Variants in LRRTM4 observed in about 807,000 individuals in gnomAD.
LRRTM4 encodes leucine-rich repeat transmembrane neuronal protein 4.
In LRRTM4, 25 loss-of-function variants were observed where a neutral mutation model predicts 47.6. The observed-to-expected ratio is 0.53, with a 90% CI of 0.38 to 0.73. The LOEUF (loss-of-function observed/expected upper bound fraction) is 0.73, where lower values mean the gene tolerates loss of function less well. Among genes scored for constraint, LRRTM4 ranks in the 30% least tolerant of loss-of-function variants. The pLI, the probability that LRRTM4 is intolerant of heterozygous loss-of-function variation, is 0.00. For synonymous variants in LRRTM4, 311 were observed against 269.5 expected (o/e 1.15, Z -1.51); for missense variants, 638 against 713.4 (o/e 0.89, Z 1.20).
At chr2:77,208,765 C>T (rs1236333473) in intron 3 of LRRTM4, among the ~76,000 whole-genome samples, 2 of 151,954 alleles carry the variant, frequency 1.3e-5, no homozygotes, top group Non-Finnish European at 2.9e-5. Flanking sequence ...GTTGATAGTT[C>T]ATTACAAAAT....
intron 3 of LRRTM4, among the ~76,000 whole-genome samples, chr2:77,402,114 T>C (rs1045014704): frequency 6.6e-6 from 1 of 152,000 alleles, no homozygotes; most frequent in Non-Finnish European, 1.5e-5. Context: ...AAATCATCTG[T>C]TGATCAGGAA....
chr2:77,175,976 T>C (rs1188579816), intron 3 of LRRTM4, among the ~76,000 whole-genome samples: 1 of 151,940 alleles, frequency 6.6e-6, no homozygotes, highest in East Asian at 1.9e-4. Context: ...CTTTTTTTTT[T>C]TTTTTTAATT....
intron 3 of LRRTM4, among the ~76,000 whole-genome samples, chr2:77,500,564 T>G (rs1324969967): frequency 6.6e-6 from 1 of 151,612 alleles, no homozygotes; most frequent in Non-Finnish European, 1.5e-5. Flanking sequence ...TAAAAATAAA[T>G]TTTCTCCTGT....
At chr2:77,272,558 A>C (rs2104074570) in intron 3 of LRRTM4, among the ~76,000 whole-genome samples, 1 of 152,206 alleles carries the variant, frequency 6.6e-6, no homozygotes, top group Admixed American at 6.5e-5. Context: ...ATTAAGTTTT[A>C]TTTTCAAGAT....
chr2:76,785,164 G>A (rs1173407930), intron 3 of LRRTM4, among the ~76,000 whole-genome samples: 1 of 152,054 alleles, frequency 6.6e-6, no homozygotes. Flanking sequence ...TGCTGCTATT[G>A]TGTTTGTATT....
At chr2:76,875,949 A>G (rs999836981) in intron 3 of LRRTM4, among the ~76,000 whole-genome samples, 4 of 152,140 alleles carry the variant, frequency 2.6e-5, no homozygotes, top group Non-Finnish European at 5.9e-5. Context: ...ACCTACTGAG[A>G]GAGAGCATTT....
chr2:77,096,137 AT>A (rs1670805668), intron 3 of LRRTM4, among the ~76,000 whole-genome samples: 1 of 151,968 alleles, frequency 6.6e-6, no homozygotes, highest in South Asian at 2.1e-4. Context: ...TACCCCATAA[AT>A]ATAATCATTT....
chr2:76,951,354 AG>A (rs1357954512), intron 3 of LRRTM4, among the ~76,000 whole-genome samples: 1 of 152,006 alleles, frequency 6.6e-6, no homozygotes, highest in Non-Finnish European at 1.5e-5. Flanking sequence ...ACTTTTTTCT[AG>A]GTATCGGAGT....
intron 3 of LRRTM4, among the ~76,000 whole-genome samples, chr2:76,873,805 A>G (rs1672705964): frequency 6.6e-6 from 1 of 151,706 alleles, no homozygotes; most frequent in Non-Finnish European, 1.5e-5. Context: ...TGATATCTCA[A>G]TCCTGATGCT....
intron 3 of LRRTM4, among the ~76,000 whole-genome samples, chr2:77,050,073 A>T (rs1177434826): frequency 6.6e-6 from 1 of 152,024 alleles, no homozygotes; most frequent in Non-Finnish European, 1.5e-5. Flanking sequence ...AGCAGAGGTC[A>T]GAAAGAGTAC....
chr2:77,272,361 G>A (rs1676223533), intron 3 of LRRTM4, among the ~76,000 whole-genome samples: 1 of 152,076 alleles, frequency 6.6e-6, no homozygotes. Context: ...GCAATATAAT[G>A]AACATAGTAA....
chr2:76,941,081 G>A (rs1675126434), intron 3 of LRRTM4, among the ~76,000 whole-genome samples: 1 of 151,970 alleles, frequency 6.6e-6, no homozygotes, highest in Non-Finnish European at 1.5e-5. Context: ...ATATGAGAAG[G>A]CAATGAAAAT....
Position 77,172,979 on chromosome 2 carries a change from A to G in LRRTM4, c.1551+345339T>C, listed in dbSNP as rs1012745986. On this transcript the variant is annotated intron_variant, in intron 3 of 3. Transcript: ENST00000409884. ...TGTTCAGATAAAAAGGACAACAAACATGGGATTCCCCTGTAGATATTCTCA... is the reference window on the plus strand; with the variant it reads ...TGTTCAGATAAAAAGGACAACAAACGTGGGATTCCCCTGTAGATATTCTCA... Among the ~76,000 whole-genome samples, 8 of 152,352 alleles carry G rather than the reference A, an allele frequency of 5.3e-5. No individual in the cohort carries two copies. The East Asian group carries it at 1.4e-3, about 26-fold the overall frequency.
intron 3 of LRRTM4, among the ~76,000 whole-genome samples, chr2:77,006,525 G>A (rs1027912520): frequency 1.3e-5 from 2 of 152,142 alleles, no homozygotes; most frequent in African/African-American, 4.8e-5. Context: ...CAATTGCAAA[G>A]TCCTGTATTC....
chr2:77,267,737 A>C (rs900717321), intron 3 of LRRTM4, among the ~76,000 whole-genome samples: 1 of 152,112 alleles, frequency 6.6e-6, no homozygotes, highest in Non-Finnish European at 1.5e-5. Context: ...GTTCAAAAAT[A>C]TCCTAGTTTG....
chr2:77,094,026 G>T (rs538077748), intron 3 of LRRTM4, among the ~76,000 whole-genome samples: 1 of 150,464 alleles, frequency 6.6e-6, no homozygotes, highest in African/African-American at 2.5e-5. Context: ...GACTCTTTTC[G>T]GATTGTTTCT....
At chr2:77,448,444 T>C (rs1676136788) in intron 3 of LRRTM4, among the ~76,000 whole-genome samples, 1 of 152,188 alleles carries the variant, frequency 6.6e-6, no homozygotes, top group Non-Finnish European at 1.5e-5. Flanking sequence ...GGGATACAGT[T>C]TGCAGTTTTG....
chr2:76,905,313 C>A (rs2103759307), intron 3 of LRRTM4, among the ~76,000 whole-genome samples: 1 of 152,246 alleles, frequency 6.6e-6, no homozygotes, highest in East Asian at 1.9e-4. Flanking sequence ...GGAAAACTAA[C>A]AAACAGAAAG....
At chr2:77,054,278 C>CA (rs1440255398) in intron 3 of LRRTM4, among the ~76,000 whole-genome samples, 1 of 151,020 alleles carries the variant, frequency 6.6e-6, no homozygotes, top group East Asian at 1.9e-4. Context: ...GCAAACTCTT[C>CA]AAAAATAAAT....
Sources: allele counts gnomAD v4.1 joint callset (sites outside exome capture counted in the v4.1 genomes callset), GRCh38; gene constraint gnomAD v4.1.1; transcripts MANE v1.5; gene names NCBI Gene and HGNC (gene_info 2026-07-23, HGNC 2026-07-21).